The following GLIS3 variants were observed in gnomAD, a reference collection of about 807,000 sequenced individuals.
The protein encoded by GLIS3 is zinc finger protein GLIS3.
GLIS3 carries 53 observed loss-of-function variants against 78.6 expected under a neutral mutation model. That is an observed-to-expected ratio of 0.67 (90% confidence interval 0.54 to 0.85). The LOEUF (loss-of-function observed/expected upper bound fraction) is 0.85, where lower values mean the gene tolerates loss of function less well. Ranked by LOEUF, GLIS3 falls within the 40% of genes least tolerant of loss-of-function variation. The probability of loss-of-function intolerance (pLI) is 0.00; values close to 1 mark genes in which losing one functional copy is unlikely to be tolerated. For missense variants in GLIS3, 1,703 were observed against 1,231.1 expected, an observed-to-expected ratio of 1.38 and a Z score of -5.74; for synonymous variants, 684 against 509.9, an observed-to-expected ratio of 1.34 and a Z score of -4.60.
chr9:4,453,131 C>A, the GLIS3 span, among the ~76,000 whole-genome samples: 1 of 152,090 alleles, frequency 6.6e-6, no homozygotes, highest in South Asian at 2.1e-4. Context: ...GAAACTGGAT[C>A]CCTTCCTTAC....
chr9:4,337,440 C>T (rs982720428), intron 2 of GLIS3, among the ~76,000 whole-genome samples: 6 of 152,084 alleles, frequency 3.9e-5, no homozygotes, highest in African/African-American at 9.7e-5. Flanking sequence ...GATACAAAAT[C>T]GTACGGACAG....
chr9:4,270,306 C>A (rs1263436169), intron 2 of GLIS3, among the ~76,000 whole-genome samples: 3 of 152,196 alleles, frequency 2.0e-5, no homozygotes, highest in Non-Finnish European at 4.4e-5. Flanking sequence ...CAGACAATAA[C>A]TGTACTAATT....
intron 4 of GLIS3, among the ~76,000 whole-genome samples, chr9:4,039,826 G>A (rs1052829947): frequency 6.6e-6 from 1 of 152,218 alleles, no homozygotes; most frequent in Admixed American, 6.5e-5. Context: ...TACTACAGGA[G>A]TTAGAGCACT....
the GLIS3 span, among the ~76,000 whole-genome samples, chr9:4,471,126 A>G: frequency 6.6e-6 from 1 of 152,220 alleles, no homozygotes; most frequent in African/African-American, 2.4e-5. Flanking sequence ...AAATGGAAGA[A>G]CGTTCCATGC....
intron 2 of GLIS3, chr9:4,147,432 A>G (rs1834311562): frequency 6.6e-6 from 1 of 152,192 alleles, no homozygotes; most frequent in African/African-American, 2.4e-5. Flanking sequence ...CGGGGCTTCC[A>G]TATGCAGTGT....
the GLIS3 span, among the ~76,000 whole-genome samples, chr9:4,466,216 A>C: frequency 1.2e-4 from 18 of 152,366 alleles, no homozygotes; most frequent in South Asian, 1.9e-3. Context: ...TGAAATAGAC[A>C]ATTCATTGTA....
chr9:4,071,679 C>A (rs1252083523), intron 4 of GLIS3: 1 of 152,208 alleles, frequency 6.6e-6, no homozygotes, highest in Non-Finnish European at 1.5e-5. Flanking sequence ...TATTACATGT[C>A]TGTTCCCAGA....
intron 4 of GLIS3, among the ~76,000 whole-genome samples, chr9:4,077,681 C>A (rs942756806): frequency 6.6e-6 from 1 of 152,102 alleles, no homozygotes; most frequent in Non-Finnish European, 1.5e-5. Flanking sequence ...TCGGCCTCTA[C>A]CAACAGGGGG....
At chr9:3,887,155 C>G (rs59021982) in intron 7 of GLIS3, among the ~76,000 whole-genome samples, 7,796 of 152,180 alleles carry the variant, frequency 0.051, 655 homozygotes, top group African/African-American at 0.18. Flanking sequence ...GCAGTGTAGA[C>G]TATCATTATC....
intron 4 of GLIS3, among the ~76,000 whole-genome samples, chr9:4,018,882 G>A (rs1477750954): frequency 1.3e-5 from 2 of 152,216 alleles, no homozygotes; most frequent in Non-Finnish European, 2.9e-5. Flanking sequence ...TTCTCGCTTA[G>A]AAAAGCAAGT....
chr9:4,120,889 C>A (rs1279277276), intron 3 of GLIS3, among the ~76,000 whole-genome samples: 2 of 152,182 alleles, frequency 1.3e-5, no homozygotes, highest in Non-Finnish European at 2.9e-5. Flanking sequence ...GGTTTCAGGG[C>A]AGCCTATAGT....
At chr9:3,888,960 G>A (rs1822253741) in intron 7 of GLIS3, among the ~76,000 whole-genome samples, 1 of 152,162 alleles carries the variant, frequency 6.6e-6, no homozygotes. Context: ...CTGTTAGAAT[G>A]TGACTAGATG....
At chr9:4,338,671 G>T (rs1357711122) in intron 2 of GLIS3, among the ~76,000 whole-genome samples, 1 of 152,188 alleles carries the variant, frequency 6.6e-6, no homozygotes, top group Non-Finnish European at 1.5e-5. Flanking sequence ...GGGAGAAAAA[G>T]GAACTGGGGG....
intron 1 of GLIS3, among the ~76,000 whole-genome samples, chr9:4,294,108 C>T (rs985815521): frequency 6.6e-6 from 1 of 152,202 alleles, no homozygotes; most frequent in Non-Finnish European, 1.5e-5. Context: ...ATCCTCTAAG[C>T]CCACCCCAAA....
the GLIS3 span, among the ~76,000 whole-genome samples, chr9:4,388,451 G>A: frequency 6.6e-6 from 1 of 152,118 alleles, no homozygotes; most frequent in Non-Finnish European, 1.5e-5. Context: ...GGCTGAGGTG[G>A]GCAGATCACG....
At chr9:4,406,361 C>A in the GLIS3 span, among the ~76,000 whole-genome samples, 1 of 152,264 alleles carries the variant, frequency 6.6e-6, no homozygotes, top group Non-Finnish European at 1.5e-5. Context: ...TCTCTTGTTG[C>A]CTGGGCTGGA....
chr9:4,481,617 A>C, the GLIS3 span, among the ~76,000 whole-genome samples: 1 of 151,760 alleles, frequency 6.6e-6, no homozygotes, highest in African/African-American at 2.4e-5. Context: ...TATGCTTTTC[A>C]ATCTCTAAAT....
At chr9:3,952,324 T>C (rs1425357559) in intron 4 of GLIS3, among the ~76,000 whole-genome samples, 6 of 152,124 alleles carry the variant, frequency 3.9e-5, no homozygotes, top group Admixed American at 3.9e-4. Context: ...CTCTTCCGCT[T>C]CCTTGTGGCT....
intron 2 of GLIS3, among the ~76,000 whole-genome samples, chr9:4,210,527 G>A (rs939503291): frequency 6.6e-6 from 1 of 152,224 alleles, no homozygotes; most frequent in Non-Finnish European, 1.5e-5. Flanking sequence ...AGCTATTTAT[G>A]ACTGCTAAGC....
Sources: allele counts gnomAD v4.1 joint callset (sites outside exome capture counted in the v4.1 genomes callset), GRCh38; gene constraint gnomAD v4.1.1; transcripts MANE v1.5; gene names NCBI Gene and HGNC (gene_info 2026-07-23, HGNC 2026-07-21).